The following TNIK variants were observed in gnomAD, a reference collection of about 807,000 sequenced individuals.
TNIK encodes the protein TRAF2 and NCK-interacting protein kinase.
Under a neutral mutation model 191.3 loss-of-function variants are expected in TNIK, and 49 were observed. The observed-to-expected ratio is 0.26, with a 90% CI of 0.20 to 0.32. TNIK has a LOEUF of 0.32. Ranked by LOEUF, TNIK falls within the 10% of genes least tolerant of loss-of-function variation. The pLI is 1.00. For missense variants in TNIK, 1,155 were observed against 1,702.3 expected (o/e 0.68, Z 5.66); for synonymous variants, 594 against 600.9 (o/e 0.99, Z 0.17).
chr3:171,307,553 T>G (rs1753586540), intron 2 of TNIK, among the ~76,000 whole-genome samples: 1 of 152,208 alleles, frequency 6.6e-6, no homozygotes, highest in Non-Finnish European at 1.5e-5. Context: ...TTGAGTTTTC[T>G]TACTTTTTTA....
At chr3:171,129,402 C>T (rs1427155901) in intron 15 of TNIK, among the ~76,000 whole-genome samples, 1 of 152,166 alleles carries the variant, frequency 6.6e-6, no homozygotes, top group East Asian at 1.9e-4. Context: ...TTCCAGGCTG[C>T]CTGCTTAATG....
intron 1 of TNIK, among the ~76,000 whole-genome samples, chr3:171,384,267 G>C (rs971196449): frequency 6.6e-6 from 1 of 152,186 alleles, no homozygotes; most frequent in East Asian, 1.9e-4. Flanking sequence ...ACTCTCCAGG[G>C]AGCAAGATCA....
At chr3:171,118,177 T>G (rs1727063131) in intron 18 of TNIK, among the ~76,000 whole-genome samples, 1 of 152,054 alleles carries the variant, frequency 6.6e-6, no homozygotes, top group Admixed American at 6.5e-5. Flanking sequence ...ATGAGTGAAC[T>G]CCCATTCACA....
intron 27 of TNIK, among the ~76,000 whole-genome samples, chr3:171,079,893 G>A (rs984412612): frequency 6.6e-6 from 1 of 152,164 alleles, no homozygotes. Context: ...TCTTCAGGTG[G>A]TTTCTTATTT....
intron 2 of TNIK, chr3:171,347,176 T>C: frequency 6.6e-7 from 1 of 1,513,348 alleles, no homozygotes; most frequent in South Asian, 1.3e-5. Flanking sequence ...TCCTAGTTGG[T>C]TCTTGGAGTT....
chr3:171,171,948 G>A (rs1207447105), intron 9 of TNIK, among the ~76,000 whole-genome samples: 2 of 152,072 alleles, frequency 1.3e-5, no homozygotes, highest in African/African-American at 4.8e-5. Context: ...TTAAATGGCT[G>A]AGCTGCCTGA....
intron 2 of TNIK, among the ~76,000 whole-genome samples, chr3:171,358,112 A>G (rs1012503262): frequency 3.8e-4 from 58 of 152,146 alleles, no homozygotes; most frequent in African/African-American, 1.4e-3. Context: ...CCTGTGGGGG[A>G]AAAATGTTTT....
At chr3:171,286,887 G>T (rs2108218824) in intron 2 of TNIK, among the ~76,000 whole-genome samples, 1 of 152,270 alleles carries the variant, frequency 6.6e-6, no homozygotes, top group African/African-American at 2.4e-5. Context: ...AATTGCTACA[G>T]CAATTTAAAC....
At chr3:171,304,759 G>GACA (rs1379136158) in intron 2 of TNIK, among the ~76,000 whole-genome samples, 1 of 151,658 alleles carries the variant, frequency 6.6e-6, no homozygotes, top group Non-Finnish European at 1.5e-5. Flanking sequence ...CTATCACAAG[G>GACA]ACAAAAAACC....
intron 1 of TNIK, among the ~76,000 whole-genome samples, chr3:171,382,895 GATA>G (rs1718231635): frequency 6.6e-6 from 1 of 152,152 alleles, no homozygotes; most frequent in African/African-American, 2.4e-5. Flanking sequence ...AGAAACTGAT[GATA>G]ATAATAATCA....
In TNIK at chr3:171,140,493, T is replaced by C. The variant is rs1170867775; in HGVS notation, c.1238A>G (p.Lys413Arg). 6.2e-7 allele frequency: 1 copy of C among 1,613,396 alleles called. No individual in the cohort carries two copies. Among genetic ancestry groups the C allele is most frequent in the African/African-American group, 1.3e-5 (1 of 74,894 alleles). Residue 413 changes from lysine (K) to arginine (R), a missense_variant, in exon 13 of 33, where the codon AAG (lysine) becomes AGG (arginine). Coordinates refer to ENST00000436636, the MANE Select transcript of TNIK (RefSeq NM_015028.4). ...CCTCTCCTGCTGCTTCCGCAGCTCC[T>C]TCTCTCGCCTTTGTTGCTGTGGGGC... The part of the protein sequence containing the change: ...RRLEEQQRRE[K>R]ELRKQQEREQ...
chr3:171,363,774 T>C (rs1715314813), intron 2 of TNIK, among the ~76,000 whole-genome samples: 1 of 152,224 alleles, frequency 6.6e-6, no homozygotes, highest in Admixed American at 6.5e-5. Flanking sequence ...CAGGCCAAGA[T>C]TTTGCTATAT....
At chr3:171,382,970 G>A (rs1718239434) in intron 1 of TNIK, among the ~76,000 whole-genome samples, 1 of 152,124 alleles carries the variant, frequency 6.6e-6, no homozygotes, top group Non-Finnish European at 1.5e-5. Flanking sequence ...CACACTGAAT[G>A]TCTCCCCATG....
intron 18 of TNIK, among the ~76,000 whole-genome samples, chr3:171,121,715 G>A (rs12496817): frequency 0.059 from 9,052 of 152,298 alleles, 321 homozygotes; most frequent in Middle Eastern, 0.13. Context: ...AACTAAAGCT[G>A]TGGCTCTCAC....
chr3:171,227,081 A>G (rs554513446), intron 3 of TNIK, among the ~76,000 whole-genome samples: 3 of 152,336 alleles, frequency 2.0e-5, no homozygotes, highest in Non-Finnish European at 2.9e-5. Context: ...GCAGACAGAC[A>G]TCTTAGAAAA....
intron 2 of TNIK, among the ~76,000 whole-genome samples, chr3:171,268,556 T>C (rs1007515459): frequency 6.6e-6 from 1 of 152,104 alleles, no homozygotes; most frequent in Non-Finnish European, 1.5e-5. Flanking sequence ...GTAAAATCTC[T>C]TTGTACTGCT....
At chr3:171,307,175 G>C (rs1753547593) in intron 2 of TNIK, among the ~76,000 whole-genome samples, 1 of 152,072 alleles carries the variant, frequency 6.6e-6, no homozygotes, top group Non-Finnish European at 1.5e-5. Context: ...AAATTTTATG[G>C]GTGGTGGTGA....
chr3:171,160,337 G>A (rs538586229), intron 11 of TNIK, among the ~76,000 whole-genome samples: 29 of 152,138 alleles, frequency 1.9e-4, no homozygotes, highest in Admixed American at 4.6e-4. Context: ...AGAACACATG[G>A]TATCTGGCTC....
chr3:171,323,251 C>T (rs952764420), intron 2 of TNIK, among the ~76,000 whole-genome samples: 8 of 152,174 alleles, frequency 5.3e-5, no homozygotes, highest in Non-Finnish European at 7.3e-5. Flanking sequence ...CAAAGTCTTT[C>T]TTCATATTCC....
Sources: gnomAD v4.1 joint callset for allele counts (sites outside exome capture counted in the v4.1 genomes callset) on GRCh38, gnomAD v4.1.1 for gene constraint, MANE v1.5 for transcripts, NCBI Gene and HGNC (gene_info 2026-07-23, HGNC 2026-07-21) for gene names.